Variants in ITPR2 observed in about 807,000 individuals in gnomAD.
ITPR2 encodes the protein inositol 1,4,5-trisphosphate-gated calcium channel ITPR2.
ITPR2 carries 207 observed loss-of-function variants against 317.1 expected under a neutral mutation model. The observed-to-expected ratio is 0.65, with a 90% CI of 0.58 to 0.73. ITPR2 has a LOEUF of 0.73. ITPR2 is among the 30% of genes least tolerant of loss of function. ITPR2 has a pLI of 0.00. For missense variants in ITPR2, 2,613 were observed against 3,284.0 expected, an observed-to-expected ratio of 0.80 and a Z score of 4.99; for synonymous variants, 1,156 against 1,149.1, an observed-to-expected ratio of 1.01 and a Z score of -0.12.
chr12:26,782,581 C>A (rs891525864), intron 2 of ITPR2, among the ~76,000 whole-genome samples: 1 of 152,160 alleles, frequency 6.6e-6, no homozygotes, highest in Non-Finnish European at 1.5e-5. Context: ...TAAAAACAAA[C>A]AGCTCTAGAG....
chr12:26,484,402 C>T (rs1426236404), intron 41 of ITPR2, among the ~76,000 whole-genome samples: 1 of 151,930 alleles, frequency 6.6e-6, no homozygotes, highest in Non-Finnish European at 1.5e-5. Flanking sequence ...TGAAGGGCAA[C>T]TGGAAGTATC....
At chr12:26,396,941 C>T (rs1240628880) in intron 54 of ITPR2, among the ~76,000 whole-genome samples, 1 of 152,172 alleles carries the variant, frequency 6.6e-6, no homozygotes, top group East Asian at 1.9e-4. Context: ...TATTTCTTGA[C>T]TCTGCCTTCT....
chr12:26,392,702 A>G (rs1267523749), intron 54 of ITPR2, among the ~76,000 whole-genome samples: 1 of 152,256 alleles, frequency 6.6e-6, no homozygotes, highest in African/African-American at 2.4e-5. Context: ...ATATAGATTT[A>G]GAAGAAGGAG....
chr12:26,463,889 C>G (rs889823618), intron 45 of ITPR2, among the ~76,000 whole-genome samples: 4 of 152,160 alleles, frequency 2.6e-5, no homozygotes, highest in Admixed American at 2.0e-4. Context: ...ATGTAAGGTC[C>G]CAGAGAAGCT....
chr12:26,446,494 T>G (rs1018074267), intron 45 of ITPR2, among the ~76,000 whole-genome samples: 7 of 152,166 alleles, frequency 4.6e-5, no homozygotes, highest in African/African-American at 1.7e-4. Flanking sequence ...AGCTTTTACT[T>G]CTTTATGATC....
intron 1 of ITPR2, among the ~76,000 whole-genome samples, chr12:26,829,540 G>A (rs560407885): frequency 1.3e-5 from 2 of 152,084 alleles, no homozygotes; most frequent in South Asian, 4.2e-4. Context: ...CAGGGTCTCC[G>A]TCTGTTGCCC....
chr12:26,602,022 G>A (rs1017029431), intron 28 of ITPR2, among the ~76,000 whole-genome samples: 6 of 152,168 alleles, frequency 3.9e-5, no homozygotes, highest in African/African-American at 1.4e-4. Flanking sequence ...GTTCCCACAT[G>A]AAGAGATTTA....
intron 1 of ITPR2, among the ~76,000 whole-genome samples, chr12:26,821,519 T>C (rs770596072): frequency 6.6e-6 from 1 of 152,240 alleles, no homozygotes. Context: ...CTGCCTCTCC[T>C]GATGCTCAGT....
intron 2 of ITPR2, among the ~76,000 whole-genome samples, chr12:26,777,366 G>A (rs1214190478): frequency 6.6e-6 from 1 of 152,192 alleles, no homozygotes; most frequent in Non-Finnish European, 1.5e-5. Context: ...TCTTTGAAGA[G>A]GTCTGTAACT....
chr12:26,429,735 G>A (rs936824166), intron 48 of ITPR2, among the ~76,000 whole-genome samples: 1 of 152,162 alleles, frequency 6.6e-6, no homozygotes, highest in Non-Finnish European at 1.5e-5. Context: ...AGTTTGTTTT[G>A]AATAAATAAC....
chr12:26,829,539 C>A (rs78844864), intron 1 of ITPR2, among the ~76,000 whole-genome samples: 4 of 152,108 alleles, frequency 2.6e-5, no homozygotes, highest in African/African-American at 9.6e-5. Context: ...ACAGGGTCTC[C>A]GTCTGTTGCC....
intron 26 of ITPR2, among the ~76,000 whole-genome samples, chr12:26,610,469 G>C (rs1021891358): frequency 1.3e-5 from 2 of 151,926 alleles, no homozygotes; most frequent in African/African-American, 4.8e-5. Context: ...CTATCAGATA[G>C]GGAAGGTGTA....
At position 26,724,712 on chromosome 12, in the gene ITPR2, C is replaced by G. The variant is rs369326833; in HGVS notation, c.310G>C (p.Glu104Gln). 5 of 1,606,682 alleles carry G rather than the reference C, an allele frequency of 3.1e-6. No individual in the cohort carries two copies. The highest frequency in any genetic ancestry group is 4.3e-6 in the Non-Finnish European group (5 of 1,174,956). Residue 104 changes from glutamate (E) to glutamine (Q), a missense_variant, in exon 4 of 57, where the codon GAA becomes CAA. Physicochemically the swap from Glu to Gln is conservative, Grantham distance 29 (BLOSUM62 2). Coordinates refer to ENST00000381340, the MANE Select transcript of ITPR2 (RefSeq NM_002223.4). ...CCCAACAGTTTCTTATTCTCCGATTCATTTTGTTTTTGTTCCAGTTCTGCA... is the reference window on the plus strand; with the variant it reads ...CCCAACAGTTTCTTATTCTCCGATTGATTTTGTTTTTGTTCCAGTTCTGCA... Reference protein sequence around the residue: ...HAAELEQKQNESENKKLLGEI... With the variant: ...HAAELEQKQNQSENKKLLGEI...
chr12:26,481,047 A>T, intron 43 of ITPR2, 84 bp downstream of exon 43: 1 of 728,074 alleles, frequency 1.4e-6, no homozygotes, highest in East Asian at 2.6e-5. Context: ...TGAAAACATG[A>T]TAATATGCTT....
chr12:26,492,780 A>G (rs1298113323), intron 39 of ITPR2, among the ~76,000 whole-genome samples: 1 of 152,124 alleles, frequency 6.6e-6, no homozygotes, highest in Non-Finnish European at 1.5e-5. Flanking sequence ...AATAACAATA[A>G]TATGCTATAT....
chr12:26,782,774 T>A (rs763162144), intron 2 of ITPR2, among the ~76,000 whole-genome samples: 1 of 152,234 alleles, frequency 6.6e-6, no homozygotes, highest in Non-Finnish European at 1.5e-5. Flanking sequence ...ATGTATTACA[T>A]GTTCAATAAA....
chr12:26,551,059 A>G (rs1944513331), intron 36 of ITPR2, among the ~76,000 whole-genome samples: 2 of 152,188 alleles, frequency 1.3e-5, no homozygotes, highest in African/African-American at 4.8e-5. Flanking sequence ...AATCAAATAA[A>G]ATGTTCATTA....
intron 55 of ITPR2, among the ~76,000 whole-genome samples, chr12:26,343,520 T>C (rs1454930567): frequency 2.0e-5 from 3 of 152,230 alleles, no homozygotes; most frequent in African/African-American, 7.2e-5. Context: ...CTGTACACTT[T>C]AATGGTAAAA....
chr12:26,643,980 G>A (rs566475745), intron 21 of ITPR2, among the ~76,000 whole-genome samples: 1 of 152,260 alleles, frequency 6.6e-6, no homozygotes, highest in African/African-American at 2.4e-5. Context: ...CTAGGGATCA[G>A]GCATCTCAAG....
Sources: gnomAD v4.1 joint callset for allele counts (sites outside exome capture counted in the v4.1 genomes callset) on GRCh38, gnomAD v4.1.1 for gene constraint, MANE v1.5 for transcripts, NCBI Gene and HGNC (gene_info 2026-07-23, HGNC 2026-07-21) for gene names.